NHS: variants seen among roughly 807,000 people sequenced by gnomAD.
NHS encodes the protein NHS actin remodeling regulator, also known as actin remodeling regulator NHS.
A neutral mutation model predicts 72.5 loss-of-function variants in NHS; 5 were observed. The ratio of observed to expected loss-of-function variants is 0.07; its 90% CI spans 0.04 to 0.14. NHS has a LOEUF of 0.14. Among genes scored for constraint, NHS ranks in the 10% least tolerant of loss-of-function variants. The pLI, the probability that NHS is intolerant of heterozygous loss-of-function variation, is 1.00. For synonymous variants in NHS, 464 were observed against 547.7 expected (o/e 0.85, Z 2.13); for missense variants, 1,072 against 1,355.7 (o/e 0.79, Z 3.29).
At chrX:17,421,427 A>G (rs1341265513) in intron 1 of NHS, among the ~76,000 whole-genome samples, 1 of 111,547 alleles carries the variant, frequency 9.0e-6, no homozygotes, top group African/African-American at 3.3e-5. Context: ...ATTAAGAAAG[A>G]AGACAACTGT....
chrX:17,555,961 A>G (rs776622116), intron 1 of NHS, among the ~76,000 whole-genome samples: 3 of 112,627 alleles, frequency 2.7e-5, no homozygotes, highest in African/African-American at 9.7e-5. Context: ...CATTTGGTCT[A>G]GATTCATGTA....
At chrX:17,614,618 G>A (rs1286578952) in intron 1 of NHS, among the ~76,000 whole-genome samples, 1 of 111,823 alleles carries the variant, frequency 8.9e-6, no homozygotes, top group Non-Finnish European at 1.9e-5. Context: ...CTTGATATGT[G>A]TTTGTTTCAT....
intron 1 of NHS, among the ~76,000 whole-genome samples, chrX:17,452,420 G>T (rs1367070955): frequency 9.0e-6 from 1 of 111,309 alleles, no homozygotes; most frequent in Non-Finnish European, 1.9e-5. Flanking sequence ...GGCCTCCCCG[G>T]TGACCCTGCA....
At chrX:17,645,599 C>T (rs2065902476) in intron 1 of NHS, among the ~76,000 whole-genome samples, 2 of 110,986 alleles carry the variant, frequency 1.8e-5, no homozygotes, top group Admixed American at 9.6e-5. Flanking sequence ...TGTGGTCCCC[C>T]GCTGGGCTAT....
At position 17,726,293 on chromosome X, in the gene NHS, C is replaced by T; in HGVS notation, c.2187C>T (p.His729=). ...SDSEWNYLHH[H]HDASCRQDFS... is the part of the protein sequence containing the mutation. Reference sequence around the variant, plus strand: ...GTGAGTGGAATTACCTACACCACCACCATGATGCCTCCTGCCGCCAGGATT... The same window carrying T: ...GTGAGTGGAATTACCTACACCACCATCATGATGCCTCCTGCCGCCAGGATT... The change falls in exon 7 of 9, where the codon CAC becomes CAT. Residue 729 remains histidine, a synonymous_variant. Transcript: ENST00000676302. 1 of 1,212,062 alleles carries T rather than the reference C, an allele frequency of 8.3e-7. No individual in the cohort carries two copies. The highest frequency in any genetic ancestry group is 1.1e-6 in the Non-Finnish European group (1 of 895,564).
intron 1 of NHS, among the ~76,000 whole-genome samples, chrX:17,588,045 G>A (rs1569288707): frequency 1.8e-5 from 2 of 112,212 alleles, no homozygotes; most frequent in Non-Finnish European, 3.8e-5. Flanking sequence ...AATGTAGATG[G>A]TTCTAGGGTT....
intron 1 of NHS, among the ~76,000 whole-genome samples, chrX:17,549,357 C>T (rs996685505): frequency 2.7e-5 from 3 of 110,356 alleles, no homozygotes; most frequent in Non-Finnish European, 1.9e-5. Context: ...TAACTGCCCC[C>T]GTTGTTCCTG....
At position 17,653,245 on chromosome X, in the gene NHS, A is replaced by G. The variant is rs1020671857; in HGVS notation, c.566-34497A>G. On this transcript the variant is annotated intron_variant, in intron 1 of 8. Coordinates refer to ENST00000676302, the MANE Select transcript of NHS (RefSeq NM_001291867.2). ...TTTATTTACTCTTTTAAGCAACTCT[A>G]TAAATTAGGTATTCTTATTTTCATT... is the stretch of plus-strand genomic sequence containing the variant. 2.7e-5 allele frequency among the ~76,000 whole-genome samples: 3 copies of G among 111,747 alleles called. No homozygotes were observed. In the Admixed American group the frequency reaches 2.8e-4, roughly 11 times the overall value.
At chrX:17,589,256 C>T (rs1301697148) in intron 1 of NHS, among the ~76,000 whole-genome samples, 1 of 111,405 alleles carries the variant, frequency 9.0e-6, no homozygotes, top group Non-Finnish European at 1.9e-5. Flanking sequence ...TTGGTACACC[C>T]ATCACCTGAG....
At chrX:17,662,717 T>C (rs2065988102) in intron 1 of NHS, among the ~76,000 whole-genome samples, 1 of 111,775 alleles carries the variant, frequency 8.9e-6, no homozygotes, top group African/African-American at 3.3e-5. Flanking sequence ...TCTAGCAGAA[T>C]AAAAGTGATG....
chrX:17,644,643 A>G (rs2065897549), intron 1 of NHS, among the ~76,000 whole-genome samples: 1 of 111,569 alleles, frequency 9.0e-6, no homozygotes, highest in African/African-American at 3.3e-5. Context: ...TGGTGGAGAT[A>G]GGGAGGGATA....
intron 1 of NHS, among the ~76,000 whole-genome samples, chrX:17,396,318 C>CT (rs199707391): frequency 0.027 from 3,059 of 111,297 alleles, 112 homozygotes; most frequent in African/African-American, 0.095. Flanking sequence ...TTTATTTTCT[C>CT]TTTTTTACCG....
rs183925064 is a variant in NHS at position 17,452,780 on chromosome X, G to A, written c.565+76458G>A. ...CCCTTGGTCCAATCAACTATAGCAT[G>A]AGAAGGGTCAGGAACAGTTGGCAGA... On this transcript the variant is annotated intron_variant, in intron 1 of 8. Coordinates refer to ENST00000676302, the MANE Select transcript of NHS (RefSeq NM_001291867.2). 1.0e-3 allele frequency among the ~76,000 whole-genome samples: 114 copies of A among 112,131 alleles called. 2 individuals are homozygous for A. Among genetic ancestry groups the A allele is most frequent in the Non-Finnish European group, 2.4e-4 (13 of 53,243 alleles).
chrX:17,463,989 A>G (rs1360649007), intron 1 of NHS, among the ~76,000 whole-genome samples: 1 of 112,299 alleles, frequency 8.9e-6, no homozygotes, highest in African/African-American at 3.2e-5. Flanking sequence ...CCTGCAGTCA[A>G]ACAAAGTAGG....
chrX:17,389,142 A>G (rs898254644), intron 1 of NHS, among the ~76,000 whole-genome samples: 1 of 112,166 alleles, frequency 8.9e-6, no homozygotes, highest in Non-Finnish European at 1.9e-5. Flanking sequence ...AAAAATCAAG[A>G]TATAATTTAC....
In NHS at chrX:17,731,904, G is replaced by C; in HGVS notation, c.4396G>C (p.Val1466Leu). The part of the protein sequence containing the change: ...LGRKDSGDMS[V>L]RSKSRAPLSS... ...AAGAAAAGATTCCGGGGACATGTCT[G>C]TTCGAAGCAAATCGAGAGCTCCCCT... Residue 1466 changes from valine (V) to leucine (L), a missense_variant, in exon 9 of 9, where the codon GTT (valine) becomes CTT (leucine). Val to Leu is a conservative substitution (Grantham distance 32). Transcript: ENST00000676302. 1 of 1,209,961 alleles carries C rather than the reference G, an allele frequency of 8.3e-7. No homozygotes were observed.
At chrX:17,520,413 G>A (rs2065142594) in intron 1 of NHS, among the ~76,000 whole-genome samples, 1 of 112,119 alleles carries the variant, frequency 8.9e-6, no homozygotes, top group South Asian at 3.7e-4. Context: ...TAGGGATTTG[G>A]GACTGGCTCG....
chrX:17,430,320 C>CTTTCT (rs2064687466), intron 1 of NHS, among the ~76,000 whole-genome samples: 3 of 75,029 alleles, frequency 4.0e-5, no homozygotes, highest in African/African-American at 1.8e-4. Context: ...TCTTTCCTTT[C>CTTTCT]TTTCTTTCTT....
At chrX:17,537,805 CT>C (rs1035913164) in intron 1 of NHS, among the ~76,000 whole-genome samples, 1 of 111,963 alleles carries the variant, frequency 8.9e-6, no homozygotes, top group Non-Finnish European at 1.9e-5. Flanking sequence ...GATTTGAGGG[CT>C]TTTGTTTGGG....
Sources: gnomAD v4.1 joint callset for allele counts (sites outside exome capture counted in the v4.1 genomes callset) on GRCh38, gnomAD v4.1.1 for gene constraint, MANE v1.5 for transcripts, NCBI Gene and HGNC (gene_info 2026-07-23, HGNC 2026-07-21) for gene names.